THBS1: variants seen among roughly 807,000 people sequenced by gnomAD.
The protein encoded by THBS1 is thrombospondin-1.
THBS1 carries 29 observed loss-of-function variants against 126.1 expected under a neutral mutation model. The observed-to-expected ratio is 0.23, with a 90% confidence interval of 0.17 to 0.31. THBS1 has a LOEUF of 0.31. THBS1 is among the 10% of genes least tolerant of loss of function. The pLI is 1.00. For missense variants in THBS1, 1,198 were observed against 1,545.2 expected (o/e 0.78, Z 3.77); for synonymous variants, 496 against 577.8 (o/e 0.86, Z 2.03).
chr15:39,589,705 C>A lies in THBS1; in HGVS notation c.1927-100C>A. The A allele has an allele frequency of 8.0e-7, 1 of 1,253,050 alleles. No homozygotes were observed. Among genetic ancestry groups the A allele is most frequent in the Non-Finnish European group, 1.1e-6 (1 of 925,898 alleles). The allele number at this position is 1,253,050 out of a possible 1,614,324, so 77.6% of individuals were successfully genotyped here. ...GTAACCCACACTCTTCCAAATGGAG[C>A]CTCTGTCTACTCAGAGATGACAGGG... On this transcript the variant is annotated intron_variant, in intron 12 of 21. Transcript: ENST00000260356. This position sits in a 1 kb window ranked among gnomAD's most constrained non-coding sequence, Gnocchi z 4.7.
Position 39,583,609 on chromosome 15 carries a change from G to A in THBS1, c.628-8G>A, listed in dbSNP as rs759206144. ...ATTCTACAAGTAATGTGTGTCCTCT[G>A]CCCACAGGGGGTGCTGCAGAATGTG... On this transcript the variant is annotated splice_polypyrimidine_tract_variant and splice_region_variant and intron_variant, in intron 3 of 21. Coordinates refer to ENST00000260356, the MANE Select transcript of THBS1 (RefSeq NM_003246.4). 1.9e-6 allele frequency: 3 copies of A among 1,581,312 alleles called. No homozygotes were observed. The East Asian group carries it at 7.0e-5, about 37-fold the overall frequency.
rs111285395 is a variant in THBS1, at chr15:39,590,674, T to G, written c.2253+51T>G. 4.3e-5 allele frequency: 64 copies of G among 1,479,116 alleles called. No individual in the cohort carries two copies. In the African/African-American group the frequency reaches 6.5e-4, roughly 15 times the overall value. The allele number at this position is 1,479,116 out of a possible 1,614,324, so 91.6% of individuals were successfully genotyped here. A position where few individuals can be genotyped will look rare whatever the true frequency, so the allele number is the denominator to read the frequency against. On this transcript the variant is annotated intron_variant, in intron 14 of 21. Transcript: ENST00000260356. ...TCATCTTTTCAGTTCAGCAACAGCC[T>G]GAAACACTTTGGGATTCAAGGAAAT... is the stretch of plus-strand genomic sequence containing the variant.
At chr15:39,585,209 G>T (rs946181860) in intron 6 of THBS1, among the ~76,000 whole-genome samples, 1 of 152,148 alleles carries the variant, frequency 6.6e-6, no homozygotes, top group Non-Finnish European at 1.5e-5. Flanking sequence ...TAAATTCTTT[G>T]TACTGTAACT....
chr15:39,592,644 A>G lies in THBS1; in HGVS notation c.2609A>G (p.Asn870Ser). 1 of 1,614,182 alleles carries G rather than the reference A, an allele frequency of 6.2e-7. No individual in the cohort carries two copies. Residue 870 changes from asparagine (N) to serine (S), a missense_variant, in exon 17 of 22, where the codon AAT becomes AGT. Transcript: ENST00000260356. This position sits in a 1 kb window ranked among gnomAD's most constrained non-coding sequence, Gnocchi z 4.3. ...QDIDEDGHQN[N>S]LDNCPYVPNA... ...ATTGATGAAGATGGCCACCAGAACA[A>G]TCTGGACAACTGTCCCTATGTGCCC... is the stretch of plus-strand genomic sequence containing the variant.
rs751591122 is a variant in THBS1, at chr15:39,592,544, C to T, written c.2533-24C>T. The stretch of plus-strand genomic sequence containing the variant: ...ATGAATGGTTTATACTGCAATTTAC[C>T]CTCCATTTACATCTCTCTTTCAGCT... On this transcript the variant is annotated intron_variant, in intron 16 of 21. Coordinates refer to ENST00000260356, the MANE Select transcript of THBS1 (RefSeq NM_003246.4). The surrounding 1 kb of genome is among the most constrained non-coding windows in gnomAD (Gnocchi z 4.3). 7.0e-6 allele frequency: 11 copies of T among 1,577,468 alleles called. No individual in the cohort carries two copies. In the South Asian group the frequency reaches 9.2e-5, roughly 13 times the overall value.
chr15:39,588,850 T>C lies in THBS1; in HGVS notation c.1646-109T>C, dbSNP rs778102204. ...TGGACAACATAATCCCAACAAGTTATCGGTTCCCTATACCCTATAATATCT... is the reference window on the plus strand; with the variant it reads ...TGGACAACATAATCCCAACAAGTTACCGGTTCCCTATACCCTATAATATCT... On this transcript the variant is annotated intron_variant, in intron 10 of 21. Coordinates refer to ENST00000260356, the MANE Select transcript of THBS1 (RefSeq NM_003246.4). 28 of 1,599,038 alleles carry C rather than the reference T, an allele frequency of 1.8e-5. No homozygotes were observed. In the South Asian group the frequency reaches 2.1e-4, roughly 12 times the overall value.
intron 6 of THBS1, among the ~76,000 whole-genome samples, chr15:39,585,120 T>G (rs1288463797): frequency 6.6e-6 from 1 of 152,164 alleles, no homozygotes; most frequent in Admixed American, 6.5e-5. Flanking sequence ...AATATAAAAA[T>G]GTAAAAGTCC....
rs1440989649 is a variant in THBS1 at position 39,592,943 on chromosome 15, C to G, written c.2768-57C>G. The G allele has an allele frequency of 6.4e-7, 1 of 1,570,460 alleles. No homozygotes were observed. The highest frequency in any genetic ancestry group is 8.7e-7 in the Non-Finnish European group (1 of 1,146,860). The stretch of plus-strand genomic sequence containing the variant: ...AGACAAGATAGTGACATTTCTGACA[C>G]CAGTAATAATAATAGCACTTTAGAA... On this transcript the variant is annotated intron_variant, in intron 17 of 21. Transcript: ENST00000260356. This position sits in a 1 kb window ranked among gnomAD's most constrained non-coding sequence, Gnocchi z 4.3.
At position 39,592,307 on chromosome 15, in the gene THBS1, C is replaced by T. The variant is rs1890342195; in HGVS notation, c.2533-261C>T. On this transcript the variant is annotated intron_variant, in intron 16 of 21. Transcript: ENST00000260356. This position sits in a 1 kb window ranked among gnomAD's most constrained non-coding sequence, Gnocchi z 4.3. ...AGTAATTAAATATCACTCTATTTGACCTTATTTAGAAAGTTTTATATGTAA... is the reference window on the plus strand; with the variant it reads ...AGTAATTAAATATCACTCTATTTGATCTTATTTAGAAAGTTTTATATGTAA... 6.6e-6 allele frequency among the ~76,000 whole-genome samples: 1 copy of T among 152,180 alleles called. No individual in the cohort carries two copies. The highest frequency in any genetic ancestry group is 2.1e-4 in the South Asian group (1 of 4,828).
In THBS1 at chr15:39,591,613, A is replaced by G; in HGVS notation, c.2522A>G (p.Asn841Ser). 1 of 1,614,086 alleles carries G rather than the reference A, an allele frequency of 6.2e-7. No homozygotes were observed. Among genetic ancestry groups the G allele is most frequent in the Non-Finnish European group, 8.5e-7 (1 of 1,179,914 alleles). The change falls in exon 16 of 22, where the codon AAT becomes AGT. Residue 841 changes from asparagine (N) to serine (S), a missense_variant. This residue lies in a region of THBS1 where 663 missense variants were observed against 860.1 expected (regional missense o/e 0.77). Coordinates refer to ENST00000260356, the MANE Select transcript of THBS1 (RefSeq NM_003246.4). Reference sequence around the variant, plus strand: ...TGTGACAATTGCCCCTTGGAACACAATCCGGATCAGGTAGGTGGATGGACT... The same window carrying G: ...TGTGACAATTGCCCCTTGGAACACAGTCCGGATCAGGTAGGTGGATGGACT... Reference protein sequence around the residue: ...DQCDNCPLEHNPDQLDSDSDR... With the variant: ...DQCDNCPLEHSPDQLDSDSDR...
chr15:39,593,049 G>T lies in THBS1; in HGVS notation c.2817G>T (p.Val939=). 4 of 1,609,390 alleles carry T rather than the reference G, an allele frequency of 2.5e-6. No homozygotes were observed. The highest frequency in any genetic ancestry group is 3.4e-6 in the Non-Finnish European group (4 of 1,177,960). ...ACKDDFDHDS[V]PDIDDICPEN... ...AAGATGATTTTGACCATGACAGTGTGCCAGACATCGATGACATCTGTCCTG... is the reference window on the plus strand; with the variant it reads ...AAGATGATTTTGACCATGACAGTGTTCCAGACATCGATGACATCTGTCCTG... The change falls in exon 18 of 22, where the codon GTG becomes GTT. Residue 939 remains valine, a synonymous_variant. Transcript: ENST00000260356. This position sits in a 1 kb window ranked among gnomAD's most constrained non-coding sequence, Gnocchi z 5.9.
chr15:39,581,639 C>CCTCTCTCTCTCTCTCTCTCTCT lies in THBS1; in HGVS notation c.-29-182_-29-161dup, dbSNP rs3138595. On this transcript the variant is annotated intron_variant, in intron 1 of 21. Transcript: ENST00000260356. ...TTAAAACCAGCATCTCTTTCCTCCA[C>CCTCTCTCTCTCTCTCTCTCTCT]CTCTCTCTCTCTCTCTCTCTCTCTC... The CCTCTCTCTCTCTCTCTCTCTCT allele has an allele frequency of 1.2e-3, 443 of 365,990 alleles. 11 individuals are homozygous for CCTCTCTCTCTCTCTCTCTCTCT. The highest frequency in any genetic ancestry group is 0.011 in the African/African-American group (409 of 36,432). The allele number at this position is 365,990 out of a possible 1,614,324, so 22.7% of individuals were successfully genotyped here.
rs774549767 is a variant in THBS1 at position 39,594,301 on chromosome 15, A to C, written c.3366A>C (p.Arg1122Ser). Residue 1122 changes from arginine to serine, a missense_variant and splice_region_variant, in exon 21 of 22, where the codon AGA becomes AGC. Coordinates refer to ENST00000260356, the MANE Select transcript of THBS1 (RefSeq NM_003246.4). This position sits in a 1 kb window ranked among gnomAD's most constrained non-coding sequence, Gnocchi z 4.4. ...LSHRPKTGFI[R>S]VVMYEGKKIM... ...TAAACAAGATTTTTTTTCCCTGCAGAGTGGTGATGTATGAAGGGAAGAAAA... is the reference window on the plus strand; with the variant it reads ...TAAACAAGATTTTTTTTCCCTGCAGCGTGGTGATGTATGAAGGGAAGAAAA... 2 of 1,614,066 alleles carry C rather than the reference A, an allele frequency of 1.2e-6. No individual in the cohort carries two copies. The highest frequency in any genetic ancestry group is 3.3e-5 in the Admixed American group (2 of 60,000).
In THBS1 at chr15:39,593,600, A is replaced by G; in HGVS notation, c.3199A>G (p.Asn1067Asp). The part of the protein sequence containing the change: ...GYSGLSVKVV[N>D]STTGPGEHLR... ...CTCGGGCCTTTCTGTGAAAGTTGTA[A>G]ACTCCACCACAGGGCCTGGCGAGCA... Residue 1067 changes from asparagine to aspartate, a missense_variant, in exon 19 of 22, where the codon AAC (asparagine) becomes GAC (aspartate). By Grantham distance (23) the Asn-to-Asp change is conservative. Coordinates refer to ENST00000260356, the MANE Select transcript of THBS1 (RefSeq NM_003246.4). This position sits in a 1 kb window ranked among gnomAD's most constrained non-coding sequence, Gnocchi z 5.9. 1 of 1,614,194 alleles carries G rather than the reference A, an allele frequency of 6.2e-7. No homozygotes were observed. Among genetic ancestry groups the G allele is most frequent in the Non-Finnish European group, 8.5e-7 (1 of 1,180,034 alleles).
intron 9 of THBS1, 62 bp from the exon 10 acceptor site, chr15:39,588,464 T>C: frequency 6.6e-7 from 1 of 1,511,902 alleles, no homozygotes; most frequent in Non-Finnish European, 8.9e-7. Context: ...TAGGAGAGTC[T>C]ATGACAAGGG....
intron 2 of THBS1, 121 bp downstream of exon 2, chr15:39,582,045 C>A: frequency 1.5e-6 from 2 of 1,337,790 alleles, no homozygotes; most frequent in African/African-American, 1.4e-5. Context: ...CAGGACGCAG[C>A]TTCACTCTGA....
At position 39,594,482 on chromosome 15, in the gene THBS1, T is replaced by C; in HGVS notation, c.3505+42T>C. ...CATGAATGTACACTGGACATCTCTA[T>C]TTCAGACTAATATCAAGGATGACGG... is the stretch of plus-strand genomic sequence containing the variant. On this transcript the variant is annotated intron_variant, in intron 21 of 21. Transcript: ENST00000260356. This position sits in a 1 kb window ranked among gnomAD's most constrained non-coding sequence, Gnocchi z 4.4. 2.5e-6 allele frequency: 4 copies of C among 1,603,986 alleles called. No individual in the cohort carries two copies. The highest frequency in any genetic ancestry group is 3.4e-6 in the Non-Finnish European group (4 of 1,175,824).
Position 39,592,369 on chromosome 15 carries a change from G to A in THBS1, c.2533-199G>A, listed in dbSNP as rs562937622. Among the ~76,000 whole-genome samples the A allele has an allele frequency of 5.9e-5, 9 of 151,988 alleles. No individual in the cohort carries two copies. Among genetic ancestry groups the A allele is most frequent in the African/African-American group, 1.4e-4 (6 of 41,440 alleles). On this transcript the variant is annotated intron_variant, in intron 16 of 21. Transcript: ENST00000260356. The surrounding 1 kb of genome is among the most constrained non-coding windows in gnomAD (Gnocchi z 4.3). ...ATTATCCCTTCTCAGATTTTTATAC[G>A]AAAACAAAGATAAAGGAAAAAAACT... is the stretch of plus-strand genomic sequence containing the variant.
At chr15:39,591,110 A>G in intron 14 of THBS1, 81 bp from the exon 15 acceptor site, 1 of 1,480,538 alleles carries the variant, frequency 6.8e-7, no homozygotes, top group Non-Finnish European at 9.3e-7. Context: ...TCACAGTTTT[A>G]GACATATTAT....
Sources: allele counts gnomAD v4.1 joint callset (sites outside exome capture counted in the v4.1 genomes callset), GRCh38; gene constraint gnomAD v4.1.1; regional missense constraint gnomAD v4.1.1; non-coding constraint Gnocchi (gnomAD v3.1); transcripts MANE v1.5; gene names NCBI Gene and HGNC (gene_info 2026-07-23, HGNC 2026-07-21).